The following SUCLG2 variants were observed in gnomAD, a reference collection of about 807,000 sequenced individuals.
SUCLG2 encodes the protein succinate--CoA ligase [GDP-forming] subunit beta, mitochondrial.
A neutral mutation model predicts 47.9 loss-of-function variants in SUCLG2; 42 were observed. The ratio of observed to expected loss-of-function variants is 0.88; its 90% CI spans 0.69 to 1.14. SUCLG2 has a LOEUF of 1.14. Ranked by LOEUF, SUCLG2 falls within the 50% of genes most tolerant of loss-of-function variation. The pLI, the probability that SUCLG2 is intolerant of heterozygous loss-of-function variation, is 0.00. For missense variants in SUCLG2, 571 were observed against 525.9 expected (o/e 1.09, Z -0.84); for synonymous variants, 195 against 197.3 (o/e 0.99, Z 0.10).
intron 7 of SUCLG2, among the ~76,000 whole-genome samples, chr3:67,498,546 C>A (rs1343601013): frequency 6.6e-6 from 1 of 152,102 alleles, no homozygotes; most frequent in African/African-American, 2.4e-5. Flanking sequence ...AATAGAATAA[C>A]CCCAAAAGTT....
At chr3:67,420,448 G>C (rs1575683488) in intron 9 of SUCLG2, among the ~76,000 whole-genome samples, 1 of 152,282 alleles carries the variant, frequency 6.6e-6, no homozygotes, top group East Asian at 1.9e-4. Flanking sequence ...AGAGAAGTAA[G>C]GGAAAGAATG....
intron 2 of SUCLG2, among the ~76,000 whole-genome samples, chr3:67,572,604 G>A (rs1044972548): frequency 1.3e-5 from 2 of 152,114 alleles, no homozygotes; most frequent in Non-Finnish European, 2.9e-5. Context: ...ATTTAACCCA[G>A]AGCAGTAAGA....
chr3:67,362,017 C>T (rs1269444366), intron 10 of SUCLG2, among the ~76,000 whole-genome samples: 2 of 152,086 alleles, frequency 1.3e-5, no homozygotes, highest in South Asian at 2.1e-4. Flanking sequence ...GTGAATAAGC[C>T]AAACCAACAG....
intron 1 of SUCLG2, among the ~76,000 whole-genome samples, chr3:67,632,919 A>G (rs1224559253): frequency 2.6e-5 from 4 of 152,232 alleles, no homozygotes; most frequent in East Asian, 3.9e-4. Context: ...TGCTTTCATT[A>G]TAACTATCAC....
chr3:67,442,891 C>A (rs1575698952), intron 9 of SUCLG2, among the ~76,000 whole-genome samples: 1 of 152,280 alleles, frequency 6.6e-6, no homozygotes, highest in East Asian at 1.9e-4. Flanking sequence ...AAATGTGCAT[C>A]CCCTTCACAA....
intron 9 of SUCLG2, among the ~76,000 whole-genome samples, chr3:67,458,229 G>C (rs1029723004): frequency 3.9e-5 from 6 of 152,092 alleles, no homozygotes; most frequent in Admixed American, 3.3e-4. Flanking sequence ...TAAATCATAA[G>C]AAAATGGTTC....
At chr3:67,561,924 A>C (rs1707318025) in intron 2 of SUCLG2, among the ~76,000 whole-genome samples, 1 of 152,202 alleles carries the variant, frequency 6.6e-6, no homozygotes, top group Non-Finnish European at 1.5e-5. Flanking sequence ...GTAGGGTTTT[A>C]AAAGCTCAAT....
intron 2 of SUCLG2, 36 bp from the exon 3 acceptor site, chr3:67,529,222 T>G (rs1291048764): frequency 6.4e-7 from 1 of 1,551,316 alleles, no homozygotes; most frequent in Non-Finnish European, 8.8e-7. Flanking sequence ...TAGCTGATTT[T>G]AAATTCTTTT....
At chr3:67,631,331 T>G (rs1700921526) in intron 1 of SUCLG2, among the ~76,000 whole-genome samples, 1 of 152,018 alleles carries the variant, frequency 6.6e-6, no homozygotes, top group Non-Finnish European at 1.5e-5. Context: ...CCCAGGAGTA[T>G]AAAGTATTTA....
At chr3:67,431,369 T>C (rs1174860790) in intron 9 of SUCLG2, among the ~76,000 whole-genome samples, 2 of 152,138 alleles carry the variant, frequency 1.3e-5, no homozygotes, top group African/African-American at 4.8e-5. Context: ...ATTATCTCAA[T>C]AGATGCAGAA....
At chr3:67,620,945 T>C (rs1222879215) in intron 1 of SUCLG2, among the ~76,000 whole-genome samples, 1 of 152,204 alleles carries the variant, frequency 6.6e-6, no homozygotes, top group African/African-American at 2.4e-5. Context: ...GAAGATCAAA[T>C]TCACGTTTTA....
intron 10 of SUCLG2, among the ~76,000 whole-genome samples, chr3:67,381,203 TAAAATA>T (rs1194405943): frequency 0.012 from 437 of 35,338 alleles, no homozygotes; most frequent in African/African-American, 0.039. Flanking sequence ...AATAAATAAA[TAAAATA>T]AAATAAAATA....
intron 7 of SUCLG2, among the ~76,000 whole-genome samples, chr3:67,507,395 T>C (rs906648202): frequency 6.6e-6 from 1 of 152,180 alleles, no homozygotes; most frequent in Admixed American, 6.5e-5. Flanking sequence ...GAAGAGGAAT[T>C]TCATTTTATG....
chr3:67,494,421 G>C lies in SUCLG2; in HGVS notation c.1062+1377C>G, dbSNP rs143740938. ...GGCCTGAGGTAGGAGGATCACTTGA[G>C]GTCACGAGTTTGAGACCAGCCTGAG... On this transcript the variant is annotated intron_variant, in intron 9 of 10. Transcript: ENST00000307227. 1.8e-4 allele frequency among the ~76,000 whole-genome samples: 27 copies of C among 152,202 alleles called. 1 individual carries two copies. The East Asian group carries it at 5.2e-3, about 29-fold the overall frequency.
intron 1 of SUCLG2, among the ~76,000 whole-genome samples, chr3:67,637,555 G>T (rs909790876): frequency 1.3e-5 from 2 of 152,276 alleles, no homozygotes; most frequent in African/African-American, 4.8e-5. Flanking sequence ...TATTCAAAAT[G>T]AGTGAAGTCT....
At chr3:67,397,673 A>C (rs1318421781) in intron 10 of SUCLG2, among the ~76,000 whole-genome samples, 1 of 152,202 alleles carries the variant, frequency 6.6e-6, no homozygotes, top group African/African-American at 2.4e-5. Flanking sequence ...AAACTACTTT[A>C]AAGTTCATAT....
In SUCLG2 at chr3:67,638,937, G is replaced by A. The variant is rs540881365; in HGVS notation, c.84+15566C>T. 1.8e-4 allele frequency among the ~76,000 whole-genome samples: 28 copies of A among 152,242 alleles called. No homozygotes were observed. In the South Asian group the frequency reaches 5.4e-3, roughly 29 times the overall value. On this transcript the variant is annotated intron_variant, in intron 1 of 10. Transcript: ENST00000307227. ...GAGGAAGTCTAATGGGAAGGTTATA[G>A]GAAGAACTTCCTCCCTCATAGAAGT...
intron 9 of SUCLG2, among the ~76,000 whole-genome samples, chr3:67,420,419 A>G (rs145735750): frequency 1.3e-5 from 2 of 152,356 alleles, no homozygotes; most frequent in East Asian, 1.9e-4. Flanking sequence ...GGCAAATTAT[A>G]TTTTCATCTC....
At chr3:67,565,380 C>G (rs1485122618) in intron 2 of SUCLG2, among the ~76,000 whole-genome samples, 1 of 152,120 alleles carries the variant, frequency 6.6e-6, no homozygotes, top group Non-Finnish European at 1.5e-5. Flanking sequence ...TTGGAAATAT[C>G]TATGTGAAAA....
Sources: gnomAD v4.1 joint callset for allele counts (sites outside exome capture counted in the v4.1 genomes callset) on GRCh38, gnomAD v4.1.1 for gene constraint, MANE v1.5 for transcripts, NCBI Gene and HGNC (gene_info 2026-07-23, HGNC 2026-07-21) for gene names.